PRKD3: variants seen among roughly 807,000 people sequenced by gnomAD.
PRKD3 encodes serine/threonine-protein kinase D3.
PRKD3 carries 47 observed loss-of-function variants against 99.2 expected under a neutral mutation model. The observed-to-expected ratio is 0.47, with a 90% CI of 0.38 to 0.60. The LOEUF is 0.60. Ranked by LOEUF, PRKD3 falls within the 20% of genes least tolerant of loss-of-function variation. PRKD3 has a pLI of 0.00. For missense variants in PRKD3, 1,019 were observed against 1,088.4 expected (o/e 0.94, Z 0.90); for synonymous variants, 392 against 355.4 (o/e 1.10, Z -1.16).
At chr2:37,291,505 C>T (rs757405690) in intron 3 of PRKD3, among the ~76,000 whole-genome samples, 4 of 152,124 alleles carry the variant, frequency 2.6e-5, no homozygotes, top group Non-Finnish European at 2.9e-5. Context: ...ACAGTAGACC[C>T]AAGGAACTTC....
Position 37,316,295 on chromosome 2 carries a change from G to A in PRKD3, c.230C>T (p.Ala77Val). 2 of 1,614,198 alleles carry A rather than the reference G, an allele frequency of 1.2e-6. No homozygotes were observed. Among genetic ancestry groups the A allele is most frequent in the South Asian group, 1.1e-5 (1 of 91,078 alleles). Reference sequence around the variant, plus strand: ...GACAGCAGATAAAGACAGTTCCTGGGCTTCAATGGTAACACTCTCCCGTGT... The same window carrying A: ...GACAGCAGATAAAGACAGTTCCTGGACTTCAATGGTAACACTCTCCCGTGT... The part of the protein sequence containing the change: ...GLTRESVTIE[A>V]QELSLSAVKD... The change falls in exon 2 of 19, where the codon GCC becomes GTC. Residue 77 changes from alanine (A) to valine (V), a missense_variant. Transcript: ENST00000234179.
intron 16 of PRKD3, among the ~76,000 whole-genome samples, chr2:37,258,565 A>G (rs1668160646): frequency 6.6e-6 from 1 of 152,178 alleles, no homozygotes; most frequent in Non-Finnish European, 1.5e-5. Flanking sequence ...GGGAGTTTTA[A>G]TGTTACCAGT....
intron 2 of PRKD3, among the ~76,000 whole-genome samples, chr2:37,303,702 C>T (rs1671039735): frequency 6.6e-6 from 1 of 152,160 alleles, no homozygotes; most frequent in Admixed American, 6.5e-5. Flanking sequence ...AAAAATCCTA[C>T]ATCACTGAGA....
At chr2:37,300,533 T>G (rs1198145317) in intron 2 of PRKD3, among the ~76,000 whole-genome samples, 1 of 152,220 alleles carries the variant, frequency 6.6e-6, no homozygotes, top group African/African-American at 2.4e-5. Flanking sequence ...AGAATTGGAC[T>G]GTTCCTAACA....
chr2:37,313,731 G>T (rs1266519514), intron 2 of PRKD3, among the ~76,000 whole-genome samples: 2 of 152,184 alleles, frequency 1.3e-5, no homozygotes, highest in Admixed American at 1.3e-4. Context: ...CCTCACTTAA[G>T]ATGATTTGAC....
chr2:37,315,059 T>C (rs564220866), intron 2 of PRKD3, among the ~76,000 whole-genome samples: 2 of 152,210 alleles, frequency 1.3e-5, no homozygotes, highest in East Asian at 1.9e-4. Context: ...GCGTAAAGAA[T>C]TGAAACAAAG....
chr2:37,272,729 T>C (rs1669345852), intron 11 of PRKD3, among the ~76,000 whole-genome samples: 1 of 152,208 alleles, frequency 6.6e-6, no homozygotes, highest in South Asian at 2.1e-4. Context: ...GAAGTTTTAC[T>C]GTAATCCCAG....
At position 37,251,534 on chromosome 2, in the gene PRKD3, C is replaced by T. The variant is rs982141150; in HGVS notation, c.*1643G>A. The T allele has an allele frequency of 3.3e-5, 5 of 152,234 alleles. No individual in the cohort carries two copies. Among genetic ancestry groups the T allele is most frequent in the Non-Finnish European group, 7.4e-5 (5 of 67,998 alleles). The allele number at this position is 152,234 out of a possible 1,614,324, so 9.4% of individuals were successfully genotyped here. ...TGCATACTGTTTGCTACTATTCTTTCAAGGATATTTTTAGTCTAGACAGGA... is the reference window on the plus strand; with the variant it reads ...TGCATACTGTTTGCTACTATTCTTTTAAGGATATTTTTAGTCTAGACAGGA... On this transcript the variant is annotated 3_prime_UTR_variant, in exon 19 of 19. Transcript: ENST00000234179.
intron 2 of PRKD3, among the ~76,000 whole-genome samples, chr2:37,313,956 GA>G (rs1311452245): frequency 6.6e-6 from 1 of 151,952 alleles, no homozygotes; most frequent in Non-Finnish European, 1.5e-5. Context: ...AAATTATATT[GA>G]AAAAGGGATC....
chr2:37,286,328 C>A lies in PRKD3; in HGVS notation c.759G>T (p.Trp253Cys), dbSNP rs777638992. Reference protein sequence around the residue: ...HQEPSKRIPSWSGRPIWMEKM... With the variant: ...HQEPSKRIPSCSGRPIWMEKM... ...TTTCCATCCAGATTGGGCGACCACT[C>A]CAAGAAGGAATTCTCTTACTTGGTT... Residue 253 changes from tryptophan (W) to cysteine (C), a missense_variant, in exon 6 of 19, where the codon TGG (tryptophan) becomes TGT (cysteine). Coordinates refer to ENST00000234179, the MANE Select transcript of PRKD3 (RefSeq NM_005813.6). The A allele has an allele frequency of 1.6e-5, 26 of 1,614,024 alleles. No individual in the cohort carries two copies. In the South Asian group the frequency reaches 2.9e-4, roughly 18 times the overall value.
At position 37,255,418 on chromosome 2, in the gene PRKD3, T is replaced by C. The variant is rs539811505; in HGVS notation, c.2414-1129A>G. Among the ~76,000 whole-genome samples, 23 of 152,300 alleles carry C rather than the reference T, an allele frequency of 1.5e-4. No individual in the cohort carries two copies. In the South Asian group the frequency reaches 4.6e-3, roughly 30 times the overall value. On this transcript the variant is annotated intron_variant, in intron 17 of 18. Coordinates refer to ENST00000234179, the MANE Select transcript of PRKD3 (RefSeq NM_005813.6). ...TGGGGCAGTTAAATAATGTTTTAAG[T>C]AGTGTACTTGTCCTTCCTATCAGTA...
Position 37,253,171 on chromosome 2 carries a change from CAGTGAT to C in PRKD3, c.2673_*5del, listed in dbSNP as rs755225629. 2.2e-5 allele frequency: 35 copies of C among 1,592,672 alleles called. 1 individual carries two copies. In the South Asian group the frequency reaches 2.8e-4, roughly 13 times the overall value. On this transcript the variant is annotated stop_retained_variant and 3_prime_UTR_variant, in exon 19 of 19. Transcript: ENST00000234179. ...AAATCCTTCCTTATTTAGGTTAGCT[CAGTGAT>C]TAAGGATCTTCTTCCATATCATCTG...
rs766582172 is a variant in PRKD3, at chr2:37,316,276, A to T, written c.249T>A (p.Ser83=). 2 of 1,614,236 alleles carry T rather than the reference A, an allele frequency of 1.2e-6. No individual in the cohort carries two copies. The highest frequency in any genetic ancestry group is 1.7e-6 in the Non-Finnish European group (2 of 1,180,020). The change falls in exon 2 of 19, where the codon TCT becomes TCA. Residue 83 remains serine, a synonymous_variant. Coordinates refer to ENST00000234179, the MANE Select transcript of PRKD3 (RefSeq NM_005813.6). ...TGGAGCACACAAGATCCTTGACAGC[A>T]GATAAAGACAGTTCCTGGGCTTCAA... ...VTIEAQELSL[S]AVKDLVCSIV... is the part of the protein sequence containing the mutation.
chr2:37,307,744 G>C (rs1347372745), intron 2 of PRKD3, among the ~76,000 whole-genome samples: 1 of 152,124 alleles, frequency 6.6e-6, no homozygotes, highest in Non-Finnish European at 1.5e-5. Flanking sequence ...AACAGTAAAA[G>C]AAACTCCACC....
intron 3 of PRKD3, among the ~76,000 whole-genome samples, chr2:37,292,340 T>C (rs1231295562): frequency 6.6e-6 from 1 of 151,618 alleles, no homozygotes; most frequent in African/African-American, 2.4e-5. Context: ...TTTCCTATCC[T>C]GATTTTTTCC....
intron 6 of PRKD3, among the ~76,000 whole-genome samples, chr2:37,285,702 A>G (rs1338097562): frequency 1.3e-5 from 2 of 152,204 alleles, no homozygotes; most frequent in African/African-American, 2.4e-5. Flanking sequence ...TTGGGAAGTG[A>G]TAAGCATACA....
rs1344121257 is a variant in PRKD3 at position 37,252,582 on chromosome 2, A to G, written c.*595T>C. ...AATCACTATTTTGGAGTCTTGATTG[A>G]CCTAAAAAAGAAAGGTAAAACAGCC... On this transcript the variant is annotated 3_prime_UTR_variant, in exon 19 of 19. Coordinates refer to ENST00000234179, the MANE Select transcript of PRKD3 (RefSeq NM_005813.6). The G allele has an allele frequency of 6.6e-6, 1 of 152,120 alleles. No individual in the cohort carries two copies. The highest frequency in any genetic ancestry group is 1.5e-5 in the Non-Finnish European group (1 of 68,004). The allele number at this position is 152,120 out of a possible 1,614,324, so 9.4% of individuals were successfully genotyped here.
At chr2:37,294,249 C>G (rs1670575589) in intron 2 of PRKD3, among the ~76,000 whole-genome samples, 1 of 150,074 alleles carries the variant, frequency 6.7e-6, no homozygotes. Flanking sequence ...GTGCATGTCA[C>G]CACTCCCAGC....
chr2:37,251,715 C>A lies in PRKD3; in HGVS notation c.*1462G>T, dbSNP rs117204682. 6.6e-6 allele frequency: 1 copy of A among 151,822 alleles called. No homozygotes were observed. Among genetic ancestry groups the A allele is most frequent in the Non-Finnish European group, 1.5e-5 (1 of 67,994 alleles). The allele number at this position is 151,822 out of a possible 1,614,324, so 9.4% of individuals were successfully genotyped here. Reference sequence around the variant, plus strand: ...TGCATTCATACATATCTGATCTTCACGACAACACTGTGACAAAGGGAGAGG... The same window carrying A: ...TGCATTCATACATATCTGATCTTCAAGACAACACTGTGACAAAGGGAGAGG... On this transcript the variant is annotated 3_prime_UTR_variant, in exon 19 of 19. Coordinates refer to ENST00000234179, the MANE Select transcript of PRKD3 (RefSeq NM_005813.6).
Sources: allele counts gnomAD v4.1 joint callset (sites outside exome capture counted in the v4.1 genomes callset), GRCh38; gene constraint gnomAD v4.1.1; transcripts MANE v1.5; gene names NCBI Gene and HGNC (gene_info 2026-07-23, HGNC 2026-07-21).